Variants in KANSL1 observed in about 807,000 individuals in gnomAD.
KANSL1 encodes MLL1/MLL complex subunit KANSL1.
Under a neutral mutation model 103.6 loss-of-function variants are expected in KANSL1, and 22 were observed. That is an observed-to-expected ratio of 0.21 (90% CI 0.15 to 0.30). The LOEUF (loss-of-function observed/expected upper bound fraction) is 0.30. Ranked by LOEUF, KANSL1 falls within the 10% of genes least tolerant of loss-of-function variation. The probability of loss-of-function intolerance (pLI) is 1.00; values close to 1 mark genes in which losing one functional copy is unlikely to be tolerated. For missense variants in KANSL1, 1,337 were observed against 1,399.8 expected, an observed-to-expected ratio of 0.96 and a Z score of 0.72; for synonymous variants, 600 against 527.6, an observed-to-expected ratio of 1.14 and a Z score of -1.88.
At chr17:46,185,702 C>CAT (rs1388593937) in intron 1 of KANSL1, among the ~76,000 whole-genome samples, 10,697 of 112,868 alleles carry the variant, frequency 0.095, 1 homozygote, top group Non-Finnish European at 0.14. Context: ...TACACACACA[C>CAT]ACACACACAC....
chr17:46,193,512 G>C (rs1175114713), upstream of KANSL1: 2 of 148,052 alleles, frequency 1.4e-5, no homozygotes, highest in Non-Finnish European at 3.0e-5. Flanking sequence ...CTGCGGCGGC[G>C]AAGGGCCGCT....
chr17:46,112,888 A>C (rs912549186), intron 2 of KANSL1, among the ~76,000 whole-genome samples: 1 of 152,018 alleles, frequency 6.6e-6, no homozygotes, highest in Non-Finnish European at 1.5e-5. Flanking sequence ...CGCCGGGCTA[A>C]TTTTGTATTT....
At chr17:46,149,037 C>CGA (rs2044914102) in intron 2 of KANSL1, among the ~76,000 whole-genome samples, 1 of 138,960 alleles carries the variant, frequency 7.2e-6, no homozygotes, top group African/African-American at 2.8e-5. Flanking sequence ...GAGTCTCGCT[C>CGA]TATCGCCCAG....
In KANSL1 at chr17:46,171,087, C is replaced by T. The variant is rs1466777621; in HGVS notation, c.1057G>A (p.Ala353Thr). Reference protein sequence around the residue: ...QLMLTRKAEAALRKAASETTT... With the variant: ...QLMLTRKAEATLRKAASETTT... Reference sequence around the variant, plus strand: ...GTCTCACTGGCAGCTTTTCTCAAGGCAGCTTCAGCCTTTCGAGTCAGCATC... The same window carrying T: ...GTCTCACTGGCAGCTTTTCTCAAGGTAGCTTCAGCCTTTCGAGTCAGCATC... The change falls in exon 2 of 15, where the codon GCC becomes ACC. Residue 353 changes from alanine to threonine, a missense_variant. This residue lies in a region of KANSL1 where 557 missense variants were observed against 476.4 expected (regional missense o/e 1.17). Coordinates refer to ENST00000432791, the MANE Select transcript of KANSL1 (RefSeq NM_015443.4). 21 of 1,614,098 alleles carry T rather than the reference C, an allele frequency of 1.3e-5. No individual in the cohort carries two copies. The African/African-American group carries it at 2.4e-4, about 18-fold the overall frequency.
At chr17:46,181,461 C>T (rs1437445493) in intron 1 of KANSL1, among the ~76,000 whole-genome samples, 3 of 152,010 alleles carry the variant, frequency 2.0e-5, no homozygotes, top group Non-Finnish European at 4.4e-5. Flanking sequence ...CAAAGTCTCG[C>T]TCTTGTCCCC....
chr17:46,090,253 T>C (rs538965312), intron 3 of KANSL1, among the ~76,000 whole-genome samples: 13 of 152,334 alleles, frequency 8.5e-5, no homozygotes, highest in Admixed American at 3.9e-4. Flanking sequence ...AGAGCCTCCA[T>C]AGAGACCATG....
chr17:46,136,501 T>C (rs1400204834), intron 2 of KANSL1, among the ~76,000 whole-genome samples: 2 of 152,348 alleles, frequency 1.3e-5, no homozygotes, highest in Admixed American at 6.5e-5. Context: ...CCAGAAAAAG[T>C]AGAAATTTGG....
At chr17:46,115,900 T>C (rs942138493) in intron 2 of KANSL1, among the ~76,000 whole-genome samples, 1 of 152,234 alleles carries the variant, frequency 6.6e-6, no homozygotes, top group Non-Finnish European at 1.5e-5. Context: ...GGACAGTAAG[T>C]TATCACCACA....
intron 2 of KANSL1, among the ~76,000 whole-genome samples, chr17:46,103,816 A>C (rs1300552943): frequency 2.6e-5 from 4 of 152,232 alleles, no homozygotes; most frequent in African/African-American, 9.6e-5. Flanking sequence ...ATTTGAGATC[A>C]GGAGTTCAAG....
At chr17:46,141,091 T>G (rs140542825) in intron 2 of KANSL1, among the ~76,000 whole-genome samples, 113 of 151,762 alleles carry the variant, frequency 7.4e-4, no homozygotes, top group African/African-American at 2.6e-3. Context: ...AAAAAGACAA[T>G]GTACTCAACA....
chr17:46,093,532 C>A (rs1208977702), intron 3 of KANSL1: 1 of 152,284 alleles, frequency 6.6e-6, no homozygotes, highest in African/African-American at 2.4e-5. Context: ...GCTATAAGTC[C>A]GCAGTGACAT....
intron 8 of KANSL1, 143 bp downstream of exon 8, chr17:46,039,559 G>A (rs1034254371): frequency 1.0e-5 from 9 of 860,954 alleles, no homozygotes; most frequent in Non-Finnish European, 1.6e-5. Flanking sequence ...AAGACAAGCA[G>A]AAGCAGTCAC....
intron 1 of KANSL1, among the ~76,000 whole-genome samples, chr17:46,203,012 G>A (rs2047853046): frequency 6.6e-6 from 1 of 152,214 alleles, no homozygotes; most frequent in African/African-American, 2.4e-5. Flanking sequence ...CCAGTGGTTT[G>A]CTAGAACTCA....
intron 1 of KANSL1, among the ~76,000 whole-genome samples, chr17:46,184,455 A>G (rs1249405567): frequency 1.3e-5 from 2 of 152,366 alleles, no homozygotes; most frequent in East Asian, 3.9e-4. Context: ...GAAAGGGAAG[A>G]AAAAAGGAAA....
intron 1 of KANSL1, among the ~76,000 whole-genome samples, chr17:46,219,784 G>A (rs2148061300): frequency 6.6e-6 from 1 of 152,364 alleles, no homozygotes; most frequent in Admixed American, 6.5e-5. Flanking sequence ...CCTTTTGCGT[G>A]TGTATCCCCT....
intron 2 of KANSL1, among the ~76,000 whole-genome samples, chr17:46,154,933 T>C (rs1228821827): frequency 6.6e-6 from 1 of 152,176 alleles, no homozygotes; most frequent in East Asian, 1.9e-4. Context: ...AGTACTGGGA[T>C]TACAAGGTAT....
intron 5 of KANSL1, among the ~76,000 whole-genome samples, chr17:46,067,219 CAT>C (rs1261328922): frequency 1.3e-5 from 2 of 152,188 alleles, no homozygotes; most frequent in Non-Finnish European, 2.9e-5. Context: ...GATTTACAAA[CAT>C]AGCCCTTGGA....
At chr17:46,141,582 A>T (rs1567722302) in intron 2 of KANSL1, among the ~76,000 whole-genome samples, 1 of 152,272 alleles carries the variant, frequency 6.6e-6, no homozygotes, top group Non-Finnish European at 1.5e-5. Context: ...GAAATAAGAA[A>T]AGACAATCAG....
chr17:46,185,656 C>CATATAT (rs377660109), intron 1 of KANSL1, among the ~76,000 whole-genome samples: 41 of 148,642 alleles, frequency 2.8e-4, no homozygotes, highest in Non-Finnish European at 4.2e-4. Context: ...TCCCATTAAA[C>CATATAT]ATATATATAT....
Sources: gnomAD v4.1 joint callset for allele counts (sites outside exome capture counted in the v4.1 genomes callset) on GRCh38, gnomAD v4.1.1 for gene constraint, gnomAD v4.1.1 regional missense constraint, MANE v1.5 for transcripts, NCBI Gene and HGNC (gene_info 2026-07-23, HGNC 2026-07-21) for gene names.